ARHGEF4: variants seen among roughly 807,000 people sequenced by gnomAD.
ARHGEF4 encodes the protein APC-stimulated guanine nucleotide exchange factor 1.
ARHGEF4 carries 119 observed loss-of-function variants against 162.0 expected under a neutral mutation model. That is an observed-to-expected ratio of 0.73 (90% confidence interval 0.63 to 0.86). The LOEUF (loss-of-function observed/expected upper bound fraction) is 0.86, where lower values mean the gene tolerates loss of function less well. Ranked by LOEUF, ARHGEF4 falls within the 40% of genes least tolerant of loss-of-function variation. The pLI, the probability that ARHGEF4 is intolerant of heterozygous loss-of-function variation, is 0.00. For synonymous variants in ARHGEF4, 1,014 were observed against 979.9 expected (o/e 1.03, Z -0.65); for missense variants, 2,488 against 2,456.0 (o/e 1.01, Z -0.28).
chr2:130,987,016 T>C (rs1008318841), intron 4 of ARHGEF4, among the ~76,000 whole-genome samples: 10 of 152,088 alleles, frequency 6.6e-5, no homozygotes, highest in African/African-American at 2.2e-4. Context: ...CTTCTGTGCA[T>C]CCCCCCGTGG....
chr2:131,036,584 C>T (rs1690301468), intron 5 of ARHGEF4, among the ~76,000 whole-genome samples: 1 of 152,204 alleles, frequency 6.6e-6, no homozygotes, highest in African/African-American at 2.4e-5. Context: ...TGGGGGGCCA[C>T]CTATGCCGGA....
chr2:130,842,275 T>A (rs1205471872), intron 1 of ARHGEF4, among the ~76,000 whole-genome samples: 1 of 151,740 alleles, frequency 6.6e-6, no homozygotes, highest in Non-Finnish European at 1.5e-5. Flanking sequence ...AGGTGAGGGT[T>A]CCACTCTTTC....
At chr2:130,976,426 C>T (rs529066567) in intron 4 of ARHGEF4, among the ~76,000 whole-genome samples, 4 of 151,606 alleles carry the variant, frequency 2.6e-5, no homozygotes, top group East Asian at 3.9e-4. Flanking sequence ...CTTTAGTTTC[C>T]TGCTTGCACC....
chr2:130,914,764 G>T lies in ARHGEF4; in HGVS notation c.818G>T (p.Ser273Ile). ...APLGTRTKKE[S>I]TLGPAGDTEL... Reference sequence around the variant, plus strand: ...CTGGGGACCAGGACAAAGAAGGAAAGTACTCTAGGCCCTGCAGGGGACACA... The same window carrying T: ...CTGGGGACCAGGACAAAGAAGGAAATTACTCTAGGCCCTGCAGGGGACACA... The change falls in exon 2 of 14, where the codon AGT becomes ATT. Residue 273 changes from serine (S) to isoleucine (I), a missense_variant. Transcript: ENST00000409359. 1 of 1,427,916 alleles carries T rather than the reference G, an allele frequency of 7.0e-7. No homozygotes were observed. The allele number at this position is 1,427,916 out of a possible 1,614,324, so 88.5% of individuals were successfully genotyped here. A position where few individuals can be genotyped will look rare whatever the true frequency, so the allele number is the denominator to read the frequency against.
rs1407604093 is a variant in ARHGEF4, at chr2:130,914,894, T to G, written c.948T>G (p.Thr316=). 3 of 1,502,834 alleles carry G rather than the reference T, an allele frequency of 2.0e-6. No homozygotes were observed. The African/African-American group carries it at 4.2e-5, about 21-fold the overall frequency. 93.1% of individuals were successfully genotyped at this position (1,502,834 alleles called of 1,614,324 possible). A position where few individuals can be genotyped will look rare whatever the true frequency, so the allele number is the denominator to read the frequency against. The stretch of plus-strand genomic sequence containing the variant: ...GTCACCATAGTGCCCCAGAAACTAC[T>G]GGTGACAAGAACAGGGCATCCCCCA... The part of the protein sequence containing the change: ...TNRHHSAPET[T]GDKNRASPRL... The change falls in exon 2 of 14, where the codon ACT becomes ACG. Residue 316 remains threonine (T), a synonymous_variant. Coordinates refer to ENST00000409359, the MANE Select transcript of ARHGEF4 (RefSeq NM_001367493.1).
chr2:130,873,767 T>C (rs1678644982), intron 1 of ARHGEF4, among the ~76,000 whole-genome samples: 1 of 151,838 alleles, frequency 6.6e-6, no homozygotes, highest in African/African-American at 2.4e-5. Context: ...ATGAACACTT[T>C]GGAGGGGTGG....
chr2:130,905,357 T>G (rs982939974), intron 1 of ARHGEF4, among the ~76,000 whole-genome samples: 1 of 152,206 alleles, frequency 6.6e-6, no homozygotes, highest in Non-Finnish European at 1.5e-5. Context: ...GTCACATTGC[T>G]GAATCTTTCC....
intron 4 of ARHGEF4, among the ~76,000 whole-genome samples, chr2:130,962,139 T>C (rs1034550275): frequency 6.6e-6 from 1 of 150,774 alleles, no homozygotes; most frequent in Admixed American, 6.6e-5. Flanking sequence ...CGTGGGAGGC[T>C]GAGGCAGGAG....
intron 1 of ARHGEF4, among the ~76,000 whole-genome samples, chr2:130,885,106 C>G (rs1435199653): frequency 1.3e-5 from 2 of 152,112 alleles, no homozygotes; most frequent in Non-Finnish European, 1.5e-5. Flanking sequence ...CATGTCAGCT[C>G]TCAAATACTG....
intron 1 of ARHGEF4, among the ~76,000 whole-genome samples, chr2:130,912,809 A>C (rs1681270697): frequency 6.6e-6 from 1 of 152,170 alleles, no homozygotes. Flanking sequence ...CACCCAAAAG[A>C]ACATTCAATA....
chr2:131,010,476 T>C (rs113717021), intron 4 of ARHGEF4, among the ~76,000 whole-genome samples: 5 of 152,290 alleles, frequency 3.3e-5, no homozygotes, highest in African/African-American at 1.2e-4. Flanking sequence ...TAAGAGAAAA[T>C]AAATATTTTA....
intron 3 of ARHGEF4, among the ~76,000 whole-genome samples, chr2:130,940,508 G>A (rs1683221142): frequency 6.6e-6 from 1 of 151,700 alleles, no homozygotes. Context: ...TGTTAGCCAG[G>A]ATGGTCTCGA....
At chr2:130,891,991 A>G (rs1465667438) in intron 1 of ARHGEF4, among the ~76,000 whole-genome samples, 1 of 152,142 alleles carries the variant, frequency 6.6e-6, no homozygotes, top group African/African-American at 2.4e-5. Context: ...CCAACTGCTT[A>G]TGTTTTTTCT....
At chr2:131,000,468 C>T (rs929040272) in intron 4 of ARHGEF4, among the ~76,000 whole-genome samples, 53 of 152,096 alleles carry the variant, frequency 3.5e-4, no homozygotes, top group Non-Finnish European at 7.4e-5. Context: ...TTGTTTTGTT[C>T]TTTTTCTATT....
chr2:130,932,612 A>G (rs1227086980), intron 3 of ARHGEF4, among the ~76,000 whole-genome samples: 2 of 152,164 alleles, frequency 1.3e-5, no homozygotes, highest in African/African-American at 2.4e-5. Flanking sequence ...GATAGTACCC[A>G]TTGATGCATA....
At chr2:130,930,910 C>T (rs1682589583) in intron 2 of ARHGEF4, 42 bp from the exon 3 acceptor site, 1 of 1,558,274 alleles carries the variant, frequency 6.4e-7, no homozygotes, top group Non-Finnish European at 8.7e-7. Flanking sequence ...GTTGATATGT[C>T]CTTTGACCTC....
At chr2:130,968,156 C>T (rs1685120028) in intron 4 of ARHGEF4, among the ~76,000 whole-genome samples, 1 of 152,156 alleles carries the variant, frequency 6.6e-6, no homozygotes, top group African/African-American at 2.4e-5. Context: ...TGGCCCAAGG[C>T]CCTAGATACA....
chr2:130,847,352 A>T (rs545049019), intron 1 of ARHGEF4, among the ~76,000 whole-genome samples: 1 of 152,320 alleles, frequency 6.6e-6, no homozygotes, highest in African/African-American at 2.4e-5. Context: ...GCCGGGGGAA[A>T]TTATTGAGCC....
chr2:130,867,928 T>C (rs77210467), intron 1 of ARHGEF4, among the ~76,000 whole-genome samples: 6,250 of 147,736 alleles, frequency 0.042, 156 homozygotes, highest in Middle Eastern at 0.082. Context: ...TTTTTCTTTT[T>C]TTTTTTTCTT....
Sources: allele counts gnomAD v4.1 joint callset (sites outside exome capture counted in the v4.1 genomes callset), GRCh38; gene constraint gnomAD v4.1.1; transcripts MANE v1.5; gene names NCBI Gene and HGNC (gene_info 2026-07-23, HGNC 2026-07-21).